The following CSF2RA variants were observed in gnomAD, a reference collection of about 807,000 sequenced individuals.
CSF2RA encodes the protein colony stimulating factor 2 receptor subunit alpha, also known as granulocyte-macrophage colony-stimulating factor receptor subunit alpha.
A neutral mutation model predicts 51.6 loss-of-function variants in CSF2RA; 42 were observed. The ratio of observed to expected loss-of-function variants is 0.81; its 90% confidence interval spans 0.64 to 1.05. The LOEUF is 1.05. Among genes scored for constraint, CSF2RA ranks in the 50% least tolerant of loss-of-function variants. The pLI is 0.00. For synonymous variants in CSF2RA, 222 were observed against 193.0 expected, an observed-to-expected ratio of 1.15 and a Z score of -1.24; for missense variants, 530 against 501.1, an observed-to-expected ratio of 1.06 and a Z score of -0.55.
rs1205507630 is a variant in CSF2RA at position 1,287,822 on chromosome X, T to C, written c.220-697T>C. On this transcript the variant is annotated intron_variant, in intron 4 of 12. Transcript: ENST00000381529. ...CGTGATCTCAGCTCACTGCAACCTG[T>C]GCCTCCTGGGTTCAAGAGAGTCTCC... Among the ~76,000 whole-genome samples the C allele has an allele frequency of 4.3e-5, 6 of 138,448 alleles. 1 individual carries two copies. The South Asian group carries it at 1.2e-3, about 27-fold the overall frequency. The allele number at this position is 138,448 out of a possible 152,430, so 90.8% of individuals were successfully genotyped here. A position where few individuals can be genotyped will look rare whatever the true frequency, so the allele number is the denominator to read the frequency against.
At chrX:1,307,309 T>C (rs1333358018) in intron 12 of CSF2RA, among the ~76,000 whole-genome samples, 2 of 152,042 alleles carry the variant, frequency 1.3e-5, no homozygotes, top group East Asian at 1.9e-4. Flanking sequence ...CCCACTCTTC[T>C]CCTTTACACT....
intron 6 of CSF2RA, among the ~76,000 whole-genome samples, chrX:1,289,506 GTTC>G (rs2091126995): frequency 1.3e-5 from 2 of 151,650 alleles, no homozygotes; most frequent in African/African-American, 2.4e-5. Flanking sequence ...GTGTTTTTGT[GTTC>G]TTGTTTTGTT....
At chrX:1,287,381 T>C (rs1199683246) in intron 4 of CSF2RA, among the ~76,000 whole-genome samples, 12 of 150,916 alleles carry the variant, frequency 8.0e-5, no homozygotes, top group African/African-American at 1.7e-4. Context: ...CTCCAACTCC[T>C]GACCTCGTGA....
chrX:1,318,643 C>A, the CSF2RA span, among the ~76,000 whole-genome samples: 1 of 150,902 alleles, frequency 6.6e-6, no homozygotes, highest in African/African-American at 2.4e-5. Flanking sequence ...GCTGACCGGG[C>A]GCGGTGGCTC....
the CSF2RA span, among the ~76,000 whole-genome samples, chrX:1,321,962 C>A: frequency 9.2e-5 from 14 of 152,004 alleles, no homozygotes; most frequent in South Asian, 2.3e-3. Context: ...GTGGTGAAAC[C>A]CCTTTTCCAC....
chrX:1,286,426 G>A (rs760420723), intron 4 of CSF2RA, among the ~76,000 whole-genome samples: 6 of 151,686 alleles, frequency 4.0e-5, no homozygotes, highest in South Asian at 2.1e-4. Context: ...AAAATTAGTC[G>A]GGCATGGTGG....
downstream of CSF2RA, among the ~76,000 whole-genome samples, chrX:1,315,094 A>G (rs1431787019): frequency 6.6e-6 from 1 of 152,158 alleles, no homozygotes. Context: ...ACTGTTTATA[A>G]GATGCATGCA....
the CSF2RA span, among the ~76,000 whole-genome samples, chrX:1,316,261 GA>G: frequency 0.15 from 5,595 of 37,574 alleles, 296 homozygotes; most frequent in East Asian, 0.39. Flanking sequence ...TTAGATAGAT[GA>G]TAGATAGATA....
chrX:1,321,095 C>T, the CSF2RA span, among the ~76,000 whole-genome samples: 1 of 152,064 alleles, frequency 6.6e-6, no homozygotes, highest in Non-Finnish European at 1.5e-5. Context: ...CCACCCTCCT[C>T]GGCCTCCCAA....
the CSF2RA span, among the ~76,000 whole-genome samples, chrX:1,321,767 A>G: frequency 1.3e-5 from 2 of 152,168 alleles, no homozygotes; most frequent in Non-Finnish European, 2.9e-5. Context: ...GTAGCTGAGA[A>G]CGTCCACATC....
At chrX:1,321,188 G>C in the CSF2RA span, among the ~76,000 whole-genome samples, 3 of 152,020 alleles carry the variant, frequency 2.0e-5, no homozygotes, top group Admixed American at 1.3e-4. Flanking sequence ...TGCAGACAGA[G>C]GCCGGGCACG....
chrX:1,289,312 G>C (rs1347694673), intron 6 of CSF2RA, among the ~76,000 whole-genome samples: 13 of 152,228 alleles, frequency 8.5e-5, no homozygotes, highest in African/African-American at 2.9e-4. Context: ...ATTTTTAGTA[G>C]AGACAGGGTT....
intron 7 of CSF2RA, among the ~76,000 whole-genome samples, chrX:1,293,609 C>A (rs1483686307): frequency 2.0e-5 from 3 of 152,138 alleles, no homozygotes; most frequent in East Asian, 3.9e-4. Flanking sequence ...CAGGAGGAGA[C>A]CCTGCCCCAC....
chrX:1,309,948 G>T (rs1384469293), downstream of CSF2RA: 1 of 559,298 alleles, frequency 1.8e-6, no homozygotes, highest in Admixed American at 3.2e-5. Flanking sequence ...CGTGGCTCAT[G>T]CCTGTAATCC....
At chrX:1,309,310 G>A (rs1204208804) in intron 12 of CSF2RA, 92 bp from the exon 13 acceptor site, 46 of 1,331,392 alleles carry the variant, frequency 3.5e-5, no homozygotes, top group African/African-American at 5.8e-5. Context: ...ATGAGACTCC[G>A]TCTCGAGGGA....
At chrX:1,273,225 C>T (rs1431796120) in intron 1 of CSF2RA, among the ~76,000 whole-genome samples, 45 of 152,102 alleles carry the variant, frequency 3.0e-4, no homozygotes, top group African/African-American at 9.4e-4. Flanking sequence ...CCCTGTATAT[C>T]GTGACTTACT....
At chrX:1,313,754 C>A (rs1412721172), downstream of CSF2RA, among the ~76,000 whole-genome samples, 8 of 151,770 alleles carry the variant, frequency 5.3e-5, no homozygotes, top group African/African-American at 1.9e-4. Flanking sequence ...TTTGGGAGGC[C>A]GAGGTGGGCA....
In CSF2RA at chrX:1,295,409, G is replaced by T. The variant is rs1389801850; in HGVS notation, c.781-18G>T. The T allele has an allele frequency of 2.5e-6, 4 of 1,613,324 alleles. 1 individual carries two copies. The Admixed American group carries it at 6.7e-5, about 27-fold the overall frequency. On this transcript the variant is annotated intron_variant, in intron 8 of 12. Transcript: ENST00000381529. ...ATGGAAACAGTGAGCCTTGTGTTGT[G>T]TTTTGTTTTGTTTCTAGAATACCCA...
intron 10 of CSF2RA, among the ~76,000 whole-genome samples, chrX:1,301,224 A>G (rs28546843): frequency 0.78 from 112,618 of 145,206 alleles, 43,659 homozygotes; most frequent in African/African-American, 0.83. Context: ...CCAGCTACTC[A>G]GGAGGCTGAG....
Sources: gnomAD v4.1 joint callset for allele counts (sites outside exome capture counted in the v4.1 genomes callset) on GRCh38, gnomAD v4.1.1 for gene constraint, MANE v1.5 for transcripts, NCBI Gene and HGNC (gene_info 2026-07-23, HGNC 2026-07-21) for gene names.